The following CERS6 variants were observed in gnomAD, a reference collection of about 807,000 sequenced individuals.
CERS6 encodes the protein LAG1 homolog, ceramide synthase 6.
In CERS6, 26 loss-of-function variants were observed where a neutral mutation model predicts 56.8. The observed-to-expected ratio is 0.46, with a 90% CI of 0.34 to 0.63. The LOEUF is 0.63. CERS6 is among the 30% of genes least tolerant of loss of function. The pLI is 0.01. For synonymous variants in CERS6, 164 were observed against 173.3 expected (o/e 0.95, Z 0.42); for missense variants, 415 against 467.5 (o/e 0.89, Z 1.04).
At chr2:168,597,555 C>A (rs1425787915) in intron 3 of CERS6, among the ~76,000 whole-genome samples, 1 of 152,138 alleles carries the variant, frequency 6.6e-6, no homozygotes, top group East Asian at 1.9e-4. Flanking sequence ...ATCTGCCATA[C>A]AAGCTTCTAC....
chr2:168,474,133 C>T (rs1013137157), intron 1 of CERS6, among the ~76,000 whole-genome samples: 5 of 152,148 alleles, frequency 3.3e-5, no homozygotes, highest in East Asian at 3.9e-4. Context: ...GTCTTTTTTC[C>T]ACGTAAGGCC....
At chr2:168,582,724 C>T (rs1179502177) in intron 3 of CERS6, among the ~76,000 whole-genome samples, 1 of 152,086 alleles carries the variant, frequency 6.6e-6, no homozygotes. Flanking sequence ...ACCTTGTGTC[C>T]AGTGCAATTC....
chr2:168,512,797 C>T (rs909692596), intron 1 of CERS6, among the ~76,000 whole-genome samples: 28 of 151,630 alleles, frequency 1.8e-4, no homozygotes, highest in Non-Finnish European at 8.8e-5. Context: ...CCTCCAGAGT[C>T]GCTGGGACTA....
intron 8 of CERS6, among the ~76,000 whole-genome samples, chr2:168,745,290 A>G (rs142280212): frequency 0.011 from 1,658 of 151,314 alleles, 18 homozygotes; most frequent in African/African-American, 0.032. Context: ...CACCCAGGCT[A>G]GAGTGCAGTG....
intron 4 of CERS6, chr2:168,644,322 G>A (rs1685120974): frequency 1.0e-6 from 1 of 985,050 alleles, no homozygotes; most frequent in Admixed American, 6.2e-5. Context: ...ATAGAAAGTG[G>A]TAAGTCTGGA....
At chr2:168,477,251 G>A (rs1694096255) in intron 1 of CERS6, among the ~76,000 whole-genome samples, 1 of 148,214 alleles carries the variant, frequency 6.7e-6, no homozygotes, top group Non-Finnish European at 1.5e-5. Flanking sequence ...TTCATGGTTG[G>A]TTCCACCCTT....
At chr2:168,622,057 C>T (rs932940226) in intron 3 of CERS6, among the ~76,000 whole-genome samples, 4 of 152,090 alleles carry the variant, frequency 2.6e-5, no homozygotes, top group African/African-American at 9.7e-5. Flanking sequence ...GAAAATGTAA[C>T]AAGCACAGAG....
At position 168,464,515 on chromosome 2, in the gene CERS6, T is replaced by C. The variant is rs893816218; in HGVS notation, c.170+7897T>C. Among the ~76,000 whole-genome samples, 6 of 152,084 alleles carry C rather than the reference T, an allele frequency of 3.9e-5. No homozygotes were observed. The East Asian group carries it at 1.2e-3, about 29-fold the overall frequency. The stretch of plus-strand genomic sequence containing the variant: ...GACTCTTCCCCACATGCTAAGTCAC[T>C]ATCATCAGGAAGGGAGCTTCTCAGA... On this transcript the variant is annotated intron_variant, in intron 1 of 9. Coordinates refer to ENST00000305747, the MANE Select transcript of CERS6 (RefSeq NM_203463.3).
intron 2 of CERS6, among the ~76,000 whole-genome samples, chr2:168,555,021 A>C (rs1399307368): frequency 6.6e-6 from 1 of 152,118 alleles, no homozygotes; most frequent in Non-Finnish European, 1.5e-5. Flanking sequence ...GTCAGTGAGA[A>C]AATATAAAAT....
In CERS6 at chr2:168,765,756, A is replaced by ATGT. The variant is rs1559085853; in HGVS notation, c.1002+8_1002+9insTGT. ...GCTGTTTCAAGAGGCAAGGTAAGCT[A>ATGT]CAACTCACTTTTTCCAATATGTCTT... On this transcript the variant is annotated intron_variant, in intron 9 of 9. Coordinates refer to ENST00000305747, the MANE Select transcript of CERS6 (RefSeq NM_203463.3). 3 of 1,603,492 alleles carry ATGT rather than the reference A, an allele frequency of 1.9e-6. No individual in the cohort carries two copies. Among genetic ancestry groups the ATGT allele is most frequent in the Non-Finnish European group, 2.6e-6 (3 of 1,176,266 alleles).
At chr2:168,681,267 T>G (rs1686208078) in intron 4 of CERS6, among the ~76,000 whole-genome samples, 1 of 152,212 alleles carries the variant, frequency 6.6e-6, no homozygotes, top group African/African-American at 2.4e-5. Context: ...TCATCTTATT[T>G]CTCTCATTCT....
At chr2:168,477,108 G>A (rs1461923074) in intron 1 of CERS6, among the ~76,000 whole-genome samples, 1 of 149,798 alleles carries the variant, frequency 6.7e-6, no homozygotes, top group Non-Finnish European at 1.5e-5. Context: ...GTTTGCAGAG[G>A]CTCTTTGTCT....
chr2:168,746,775 G>GTACATATATATATATATA (rs1684107510), intron 8 of CERS6, among the ~76,000 whole-genome samples: 1 of 38,992 alleles, frequency 2.6e-5, no homozygotes, highest in African/African-American at 7.8e-5. Flanking sequence ...AGGGTAAAGG[G>GTACATATATATATATATA]TATATATATA....
rs369337686 is a variant in CERS6 at position 168,534,268 on chromosome 2, G to A, written c.171-13328G>A. 6.6e-5 allele frequency among the ~76,000 whole-genome samples: 10 copies of A among 152,214 alleles called. No individual in the cohort carries two copies. The East Asian group carries it at 9.7e-4, about 15-fold the overall frequency. ...TCTAGTTCTGCACCCTTGCTGGGGCGACGTTGCGATCATTTGGAGAAGAGT... is the reference window on the plus strand; with the variant it reads ...TCTAGTTCTGCACCCTTGCTGGGGCAACGTTGCGATCATTTGGAGAAGAGT... On this transcript the variant is annotated intron_variant, in intron 1 of 9. Transcript: ENST00000305747.
chr2:168,518,587 G>A (rs943938631), intron 1 of CERS6, among the ~76,000 whole-genome samples: 1 of 151,616 alleles, frequency 6.6e-6, no homozygotes, highest in East Asian at 1.9e-4. Flanking sequence ...TATGACTGGC[G>A]TCTCCCAGGC....
At chr2:168,733,776 G>T (rs1683626651) in intron 8 of CERS6, among the ~76,000 whole-genome samples, 1 of 152,178 alleles carries the variant, frequency 6.6e-6, no homozygotes, top group South Asian at 2.1e-4. Context: ...AGGTTGACAA[G>T]GGTCTTGCCC....
intron 4 of CERS6, among the ~76,000 whole-genome samples, chr2:168,643,897 T>C (rs1311364397): frequency 6.6e-6 from 1 of 152,166 alleles, no homozygotes; most frequent in African/African-American, 2.4e-5. Flanking sequence ...CATTCACAAG[T>C]TCCAGAATTT....
At chr2:168,727,901 G>T (rs7606969) in intron 8 of CERS6, among the ~76,000 whole-genome samples, 90,364 of 152,108 alleles carry the variant, frequency 0.59, 27,356 homozygotes, top group Non-Finnish European at 0.63. Context: ...TTTTTAGTAA[G>T]TCTTACATCT....
rs1422845631 is a variant in CERS6, at chr2:168,770,845, A to G, written c.*1183A>G. Reference sequence around the variant, plus strand: ...AAACACTGAGCAGCATTACACTACAATGCTTCTTTGGTTTCCAGGAATTTT... The same window carrying G: ...AAACACTGAGCAGCATTACACTACAGTGCTTCTTTGGTTTCCAGGAATTTT... On this transcript the variant is annotated 3_prime_UTR_variant, in exon 10 of 10. Coordinates refer to ENST00000305747, the MANE Select transcript of CERS6 (RefSeq NM_203463.3). The G allele has an allele frequency of 6.6e-6, 1 of 152,260 alleles. No individual in the cohort carries two copies. The highest frequency in any genetic ancestry group is 2.4e-5 in the African/African-American group (1 of 41,440). 9.4% of individuals were successfully genotyped at this position (152,260 alleles called of 1,614,324 possible). A position where few individuals can be genotyped will look rare whatever the true frequency, so the allele number is the denominator to read the frequency against.
Sources: gnomAD v4.1 joint callset for allele counts (sites outside exome capture counted in the v4.1 genomes callset) on GRCh38, gnomAD v4.1.1 for gene constraint, MANE v1.5 for transcripts, NCBI Gene and HGNC (gene_info 2026-07-23, HGNC 2026-07-21) for gene names.